The following FLT3 variants were observed in gnomAD, a reference collection of about 807,000 sequenced individuals.
FLT3 encodes the protein fms related receptor tyrosine kinase 3, also known as receptor-type tyrosine-protein kinase FLT3.
A neutral mutation model predicts 126.6 loss-of-function variants in FLT3; 46 were observed. That is an observed-to-expected ratio of 0.36 (90% CI 0.29 to 0.46). The LOEUF is 0.46. FLT3 is among the 20% of genes least tolerant of loss of function. The probability of loss-of-function intolerance (pLI) is 1.00; values close to 1 mark genes in which losing one functional copy is unlikely to be tolerated. For missense variants in FLT3, 1,069 were observed against 1,190.3 expected (o/e 0.90, Z 1.50); for synonymous variants, 404 against 434.4 (o/e 0.93, Z 0.87).
At chr13:28,033,152 CAAA>C (rs755989941) in intron 15 of FLT3, among the ~76,000 whole-genome samples, 1 of 138,332 alleles carries the variant, frequency 7.2e-6, no homozygotes. Flanking sequence ...ACCGTATCTA[CAAA>C]AAAAAAAAAA....
At chr13:28,036,523 AG>A (rs1418744988) in intron 10 of FLT3, among the ~76,000 whole-genome samples, 4 of 152,268 alleles carry the variant, frequency 2.6e-5, no homozygotes, top group Non-Finnish European at 5.9e-5. Context: ...TATAAGCCAA[AG>A]AAATGAAAAT....
At position 28,053,634 on chromosome 13, in the gene FLT3, A is replaced by G. The variant is rs139969081; in HGVS notation, c.485-960T>C. On this transcript the variant is annotated intron_variant, in intron 4 of 23. Transcript: ENST00000241453. ...AAATAAATATGTGGCACTAAACAAT[A>G]TATTGATTTTTTCATTCTTGAGCTT... 7.6e-3 allele frequency among the ~76,000 whole-genome samples: 1,152 copies of G among 152,216 alleles called. 5 individuals are homozygous for G. The highest frequency in any genetic ancestry group is 0.014 in the South Asian group (66 of 4,828).
At chr13:28,038,815 A>G (rs1318180999) in intron 9 of FLT3, among the ~76,000 whole-genome samples, 1 of 152,176 alleles carries the variant, frequency 6.6e-6, no homozygotes, top group Non-Finnish European at 1.5e-5. Context: ...GGTGAGTCAG[A>G]GTGGACGCAG....
chr13:28,041,248 G>T (rs200117259), intron 9 of FLT3, among the ~76,000 whole-genome samples: 1 of 152,088 alleles, frequency 6.6e-6, no homozygotes, highest in East Asian at 1.9e-4. Context: ...GAAGAAAGAC[G>T]TGAGCTTCTA....
chr13:28,021,580 T>C (rs542969903), intron 19 of FLT3, among the ~76,000 whole-genome samples: 1 of 152,072 alleles, frequency 6.6e-6, no homozygotes, highest in Non-Finnish European at 1.5e-5. Context: ...AAAACTTGTA[T>C]TATTATTGCT....
At chr13:28,050,310 G>A (rs1245172560) in intron 5 of FLT3, 88 bp from the exon 6 acceptor site, 11 of 1,280,714 alleles carry the variant, frequency 8.6e-6, no homozygotes, top group Non-Finnish European at 9.9e-6. Context: ...TCTAGAGCCA[G>A]TTTTAAGGGT....
intron 11 of FLT3, 72 bp from the exon 12 acceptor site, chr13:28,035,745 G>C (rs571778289): frequency 1.4e-6 from 2 of 1,478,332 alleles, no homozygotes; most frequent in Non-Finnish European, 1.8e-6. Flanking sequence ...TTTCTGCAGC[G>C]AGTTCTAAAA....
intron 17 of FLT3, chr13:28,025,145 C>A (rs1297502625): frequency 8.8e-6 from 5 of 565,400 alleles, no homozygotes; most frequent in Non-Finnish European, 1.6e-5. Flanking sequence ...AAAAGTAATC[C>A]CTGTTTTCCA....
chr13:28,041,754 T>C (rs1321455089), intron 9 of FLT3, among the ~76,000 whole-genome samples: 1 of 152,196 alleles, frequency 6.6e-6, no homozygotes, highest in Non-Finnish European at 1.5e-5. Context: ...CCTAGGGGTT[T>C]TCTACAAATG....
chr13:28,039,548 CTTTT>C (rs10564719), intron 9 of FLT3, among the ~76,000 whole-genome samples: 16 of 120,674 alleles, frequency 1.3e-4, no homozygotes, highest in East Asian at 2.5e-4. Flanking sequence ...TGCAATAAAA[CTTTT>C]TTTTTTTTTT....
At chr13:28,032,303 T>C (rs1873413639) in intron 15 of FLT3, among the ~76,000 whole-genome samples, 1 of 152,130 alleles carries the variant, frequency 6.6e-6, no homozygotes, top group African/African-American at 2.4e-5. Flanking sequence ...CCTTGGTGTA[T>C]GGGAGGACAT....
chr13:28,062,764 A>G, intron 2 of FLT3, among the ~76,000 whole-genome samples: 1 of 148,280 alleles, frequency 6.7e-6, no homozygotes, highest in African/African-American at 2.5e-5. Flanking sequence ...AAAAAAGAGG[A>G]GATTTGAAGG....
At chr13:28,013,646 T>G (rs1397981481) in intron 23 of FLT3, among the ~76,000 whole-genome samples, 1 of 152,154 alleles carries the variant, frequency 6.6e-6, no homozygotes, top group Non-Finnish European at 1.5e-5. Context: ...AACAACCCAT[T>G]TTACAGGTGA....
rs1325270750 is a variant in FLT3, at chr13:28,033,986, C to T, written c.1843G>A (p.Val615Ile). The change falls in exon 15 of 24, where the codon GTA becomes ATA. Residue 615 changes from valine (V) to isoleucine (I), a missense_variant. By Grantham distance (29) the Val-to-Ile change is conservative. Transcript: ENST00000241453. ...FPRENLEFGK[V>I]LGSGAFGKVM... ...TTTCCAAAAGCACCTGATCCTAGTA[C>T]CTTCCCTGCAAAGACAAATGGTGAG... The T allele has an allele frequency of 6.2e-7, 1 of 1,614,114 alleles. No homozygotes were observed. The highest frequency in any genetic ancestry group is 1.1e-5 in the South Asian group (1 of 91,076).
At chr13:28,026,653 C>T (rs1363205961) in intron 17 of FLT3, among the ~76,000 whole-genome samples, 1 of 152,182 alleles carries the variant, frequency 6.6e-6, no homozygotes, top group African/African-American at 2.4e-5. Context: ...TCGATCAATC[C>T]ATCCTAATAT....
At chr13:28,007,303 G>C (rs1357931576) in intron 23 of FLT3, among the ~76,000 whole-genome samples, 1 of 152,130 alleles carries the variant, frequency 6.6e-6, no homozygotes, top group Non-Finnish European at 1.5e-5. Flanking sequence ...CTGGAGTACA[G>C]TGGTGCAATC....
chr13:28,014,600 A>G, intron 22 of FLT3, 43 bp from the exon 23 acceptor site: 2 of 1,280,014 alleles, frequency 1.6e-6, no homozygotes, highest in African/African-American at 2.9e-5. Context: ...AGAAGTCTGA[A>G]TGAAGCAAAA....
intron 3 of FLT3, among the ~76,000 whole-genome samples, chr13:28,061,122 G>A (rs1244286575): frequency 4.6e-5 from 7 of 151,876 alleles, no homozygotes; most frequent in East Asian, 3.9e-4. Flanking sequence ...TTGGGAGGCC[G>A]AGGTGGGAGG....
At chr13:28,087,466 T>C (rs1878749343) in intron 1 of FLT3, among the ~76,000 whole-genome samples, 1 of 152,248 alleles carries the variant, frequency 6.6e-6, no homozygotes, top group Non-Finnish European at 1.5e-5. Context: ...TCTTAGTCTC[T>C]GGCTTTAACC....
Sources: allele counts gnomAD v4.1 joint callset (sites outside exome capture counted in the v4.1 genomes callset), GRCh38; gene constraint gnomAD v4.1.1; transcripts MANE v1.5; gene names NCBI Gene and HGNC (gene_info 2026-07-23, HGNC 2026-07-21).